The following RTL4 variants were observed in gnomAD, a reference collection of about 807,000 sequenced individuals.
The protein encoded by RTL4 is retrotransposon Gag like 4.
Under a neutral mutation model 5.3 loss-of-function variants are expected in RTL4, and 4 were observed. That is an observed-to-expected ratio of 0.75 (90% CI 0.37 to 1.72). RTL4 has a LOEUF of 1.72. RTL4 is among the 40% of genes most tolerant of loss of function. The pLI is 0.04. For synonymous variants in RTL4, 98 were observed against 87.3 expected, an observed-to-expected ratio of 1.12 and a Z score of -0.68; for missense variants, 260 against 227.1, an observed-to-expected ratio of 1.14 and a Z score of -0.93.
At chrX:112,382,299 C>T in the RTL4 span, 1 of 661,718 alleles carries the variant, frequency 1.5e-6, no homozygotes, top group Non-Finnish European at 2.3e-6. Flanking sequence ...GTTAGAAAGG[C>T]TTTTGGATTC....
At chrX:112,287,652 T>C in the RTL4 span, among the ~76,000 whole-genome samples, 1 of 111,741 alleles carries the variant, frequency 8.9e-6, no homozygotes, top group Non-Finnish European at 1.9e-5. Flanking sequence ...TAAGTGGACA[T>C]GATCTCTTGC....
At chrX:112,089,545 A>G in the RTL4 span, among the ~76,000 whole-genome samples, 2 of 111,121 alleles carry the variant, frequency 1.8e-5, no homozygotes, top group African/African-American at 3.3e-5. Flanking sequence ...TAAAAAATCA[A>G]TTGGCCATAG....
chrX:112,216,778 T>A, the RTL4 span, among the ~76,000 whole-genome samples: 1 of 111,920 alleles, frequency 8.9e-6, no homozygotes, highest in Non-Finnish European at 1.9e-5. Context: ...AGTAAGAAGT[T>A]CTCTCCAGCA....
the RTL4 span, among the ~76,000 whole-genome samples, chrX:112,415,728 C>T: frequency 9.0e-6 from 1 of 111,114 alleles, no homozygotes; most frequent in Non-Finnish European, 1.9e-5. Flanking sequence ...ATTTAATGCT[C>T]TTAGTAACCC....
chrX:112,202,569 T>TTAG, the RTL4 span, among the ~76,000 whole-genome samples: 1 of 104,412 alleles, frequency 9.6e-6, no homozygotes, highest in South Asian at 4.3e-4. Context: ...ATTATTATTA[T>TTAG]TATTATTATG....
the RTL4 span, among the ~76,000 whole-genome samples, chrX:112,107,895 C>A: frequency 9.0e-6 from 1 of 111,229 alleles, no homozygotes; most frequent in Admixed American, 9.6e-5. Flanking sequence ...TTTAAATAAC[C>A]TTTCTACTTC....
the RTL4 span, among the ~76,000 whole-genome samples, chrX:112,302,258 TAAA>T: frequency 2.4e-5 from 2 of 83,569 alleles, no homozygotes; most frequent in Admixed American, 1.4e-4. Flanking sequence ...AAGACTCTGT[TAAA>T]AAAAAAAAAA....
the RTL4 span, among the ~76,000 whole-genome samples, chrX:112,231,419 G>T: frequency 9.1e-6 from 1 of 109,707 alleles, no homozygotes; most frequent in African/African-American, 3.3e-5. Flanking sequence ...CATGTCCTTT[G>T]TAGGGACATG....
At chrX:112,403,688 T>C in the RTL4 span, among the ~76,000 whole-genome samples, 1 of 112,331 alleles carries the variant, frequency 8.9e-6, no homozygotes, top group Non-Finnish European at 1.9e-5. Flanking sequence ...TCTTAGATTC[T>C]GAGGAAACTC....
At chrX:112,385,483 T>C in the RTL4 span, among the ~76,000 whole-genome samples, 735 of 111,652 alleles carry the variant, frequency 6.6e-3, 3 homozygotes, top group African/African-American at 0.022. Flanking sequence ...ATTAAAAGGC[T>C]TTTTACCTTT....
chrX:112,110,615 T>C, the RTL4 span, among the ~76,000 whole-genome samples: 2 of 112,139 alleles, frequency 1.8e-5, no homozygotes, highest in South Asian at 7.5e-4. Context: ...GGGATTTCAA[T>C]TATTCTTTGC....
the RTL4 span, among the ~76,000 whole-genome samples, chrX:112,208,836 AGG>A: frequency 1.8e-5 from 2 of 112,504 alleles, no homozygotes; most frequent in African/African-American, 3.2e-5. Context: ...AGAACCTTAC[AGG>A]TGTGGAATGC....
At chrX:112,443,526 T>G in the RTL4 span, among the ~76,000 whole-genome samples, 3 of 112,042 alleles carry the variant, frequency 2.7e-5, no homozygotes, top group Non-Finnish European at 5.6e-5. Context: ...TTCTCCACAG[T>G]GGTTGTACTA....
At chrX:112,240,452 G>A in the RTL4 span, among the ~76,000 whole-genome samples, 1 of 111,815 alleles carries the variant, frequency 8.9e-6, no homozygotes, top group Non-Finnish European at 1.9e-5. Context: ...TGACTTAAAT[G>A]TGCTCAGAAC....
the RTL4 span, among the ~76,000 whole-genome samples, chrX:112,331,528 G>A: frequency 2.5e-4 from 26 of 104,392 alleles, no homozygotes; most frequent in Non-Finnish European, 4.1e-4. Context: ...GAGAGGATGT[G>A]GAGAAATAGG....
chrX:112,250,349 T>C, the RTL4 span, among the ~76,000 whole-genome samples: 4 of 111,368 alleles, frequency 3.6e-5, no homozygotes, highest in African/African-American at 1.3e-4. Flanking sequence ...TAGTTTTTTG[T>C]TTTGTTTTGT....
the RTL4 span, among the ~76,000 whole-genome samples, chrX:112,369,669 G>A: frequency 7.1e-5 from 8 of 112,197 alleles, no homozygotes; most frequent in South Asian, 2.2e-3. Flanking sequence ...TGCCCACTAC[G>A]TGGAAGCACT....
chrX:112,157,298 C>T, the RTL4 span, among the ~76,000 whole-genome samples: 1 of 110,584 alleles, frequency 9.0e-6, no homozygotes, highest in African/African-American at 3.3e-5. Flanking sequence ...TTTCTTAGGG[C>T]CTCAATTTTC....
chrX:112,277,612 A>G, the RTL4 span, among the ~76,000 whole-genome samples: 1 of 111,681 alleles, frequency 9.0e-6, no homozygotes. Flanking sequence ...GGCAACTTGT[A>G]CCTCTGAAAC....
Sources: gnomAD v4.1 joint callset for allele counts (sites outside exome capture counted in the v4.1 genomes callset) on GRCh38, gnomAD v4.1.1 for gene constraint, MANE v1.5 for transcripts, NCBI Gene and HGNC (gene_info 2026-07-23, HGNC 2026-07-21) for gene names.